SMC4: variants seen among roughly 807,000 people sequenced by gnomAD.
The protein encoded by SMC4 is structural maintenance of chromosomes 4, also known as structural maintenance of chromosomes protein 4.
Under a neutral mutation model 145.6 loss-of-function variants are expected in SMC4, and 87 were observed. The observed-to-expected ratio is 0.60, with a 90% CI of 0.50 to 0.71. The LOEUF is 0.71. Among genes scored for constraint, SMC4 ranks in the 30% least tolerant of loss-of-function variants. The pLI is 0.00. For synonymous variants in SMC4, 558 were observed against 500.7 expected, an observed-to-expected ratio of 1.11 and a Z score of -1.53; for missense variants, 1,447 against 1,537.1, an observed-to-expected ratio of 0.94 and a Z score of 0.98.
Position 160,433,031 on chromosome 3 carries a change from G to T in SMC4, c.3536G>T (p.Arg1179Leu). The T allele has an allele frequency of 6.2e-7, 1 of 1,608,538 alleles. No individual in the cohort carries two copies. The highest frequency in any genetic ancestry group is 1.1e-5 in the South Asian group (1 of 90,682). Residue 1179 changes from arginine (R) to leucine (L), a missense_variant, in exon 23 of 24, where the codon CGA becomes CTA. Coordinates refer to ENST00000357388, the MANE Select transcript of SMC4 (RefSeq NM_001002800.3). ...PFSEGIMFSVRPPKKSWKKIF... is the reference protein window; with the variant it reads ...PFSEGIMFSVLPPKKSWKKIF... Reference sequence around the variant, plus strand: ...GATTTTCTTAATCATTTCAGTGTTCGACCACCTAAGAAAAGTTGGAAAAAG... The same window carrying T: ...GATTTTCTTAATCATTTCAGTGTTCTACCACCTAAGAAAAGTTGGAAAAAG...
intron 19 of SMC4, 34 bp from the exon 20 acceptor site, chr3:160,430,998 A>G: frequency 6.4e-7 from 1 of 1,568,356 alleles, no homozygotes; most frequent in Middle Eastern, 1.7e-4. Context: ...CTCTATTTGG[A>G]AAATTCTATC....
rs1490655296 is a variant in SMC4 at position 160,424,969 on chromosome 3, A to G, written c.2428A>G (p.Ser810Gly). 2 of 1,613,806 alleles carry G rather than the reference A, an allele frequency of 1.2e-6. No individual in the cohort carries two copies. Among genetic ancestry groups the G allele is most frequent in the Non-Finnish European group, 1.7e-6 (2 of 1,179,956 alleles). Residue 810 changes from serine to glycine, a missense_variant, in exon 16 of 24, where the codon AGT (serine) becomes GGT (glycine). Ser to Gly is a moderately conservative substitution (Grantham distance 56). Transcript: ENST00000357388. ...AGAAAGAGTAGTTAAGTTACGGCAT[A>G]GTGAACGAGAAATGAGGAACACACT... Reference protein sequence around the residue: ...LEERVVKLRHSEREMRNTLEK... With the variant: ...LEERVVKLRHGEREMRNTLEK...
intron 17 of SMC4, among the ~76,000 whole-genome samples, chr3:160,427,968 G>A (rs548925285): frequency 1.8e-4 from 27 of 152,124 alleles, no homozygotes; most frequent in Non-Finnish European, 2.8e-4. Context: ...CACACACGCC[G>A]GGTGTGGTGG....
Position 160,426,177 on chromosome 3 carries a change from A to G in SMC4, c.2582A>G (p.Glu861Gly). 6.2e-7 allele frequency: 1 copy of G among 1,609,896 alleles called. No homozygotes were observed. Among genetic ancestry groups the G allele is most frequent in the Non-Finnish European group, 8.5e-7 (1 of 1,178,310 alleles). Residue 861 changes from glutamate to glycine, a missense_variant, in exon 17 of 24, where the codon GAA becomes GGA. Transcript: ENST00000357388. ...PDKKKQKLLE[E>G]NVSAFKTEYD... ...AAAAAAAAGCAGAAATTGCTAGAAG[A>G]AAACGTTAGTGCTTTCAAAACAGGT...
chr3:160,402,853 A>G lies in SMC4; in HGVS notation c.496A>G (p.Lys166Glu). ...TTGTACAGTAGAAGTTCATTTTCAA[A>G]AGATAATTGATAAGGTAAGGGATTT... ...QSCTVEVHFQKIIDKEGDDYE... is the reference protein window; with the variant it reads ...QSCTVEVHFQEIIDKEGDDYE... The change falls in exon 4 of 24, where the codon AAG becomes GAG. Residue 166 changes from lysine to glutamate, a missense_variant. Transcript: ENST00000357388. The G allele has an allele frequency of 1.3e-6, 2 of 1,567,836 alleles. No individual in the cohort carries two copies. The highest frequency in any genetic ancestry group is 1.7e-6 in the Non-Finnish European group (2 of 1,164,062).
At chr3:160,400,213 G>C (rs1714378153) in intron 1 of SMC4, 1 of 152,534 alleles carries the variant, frequency 6.6e-6, no homozygotes, top group Middle Eastern at 3.4e-3. Flanking sequence ...GAAGTTGCTA[G>C]TGGTTAGTCC....
At chr3:160,406,766 G>T (rs993130928) in intron 5 of SMC4, among the ~76,000 whole-genome samples, 2 of 152,032 alleles carry the variant, frequency 1.3e-5, no homozygotes, top group Non-Finnish European at 2.9e-5. Context: ...TTTTCAAGTA[G>T]GCATTTTTAT....
chr3:160,423,716 T>G (rs1424803086), intron 14 of SMC4, 45 bp from the exon 15 acceptor site: 2 of 1,602,690 alleles, frequency 1.2e-6, no homozygotes, highest in Non-Finnish European at 1.7e-6. Context: ...TATTTAATCT[T>G]GTTGGGGAGA....
intron 5 of SMC4, among the ~76,000 whole-genome samples, chr3:160,405,181 A>G (rs541662923): frequency 7.2e-5 from 11 of 152,156 alleles, no homozygotes; most frequent in Admixed American, 2.0e-4. Flanking sequence ...AAAGAGATGT[A>G]AAAATTAAGT....
Position 160,431,739 on chromosome 3 carries a change from T to G in SMC4, c.3211T>G (p.Ser1071Ala), listed in dbSNP as rs767706702. The change falls in exon 21 of 24, where the codon TCT (serine) becomes GCT (alanine). Residue 1071 changes from serine (S) to alanine (A), a missense_variant. Transcript: ENST00000357388. ...TCTTGAAGCGATCAAGAATCCAGAT[T>G]CTATAACAAATCAAATTGCACTTTT... is the stretch of plus-strand genomic sequence containing the variant. ...EDLEAIKNPD[S>A]ITNQIALLEA... The G allele has an allele frequency of 1.4e-5, 23 of 1,614,036 alleles. No homozygotes were observed. Among genetic ancestry groups the G allele is most frequent in the Middle Eastern group, 1.6e-4 (1 of 6,062 alleles).
In SMC4 at chr3:160,402,843, T is replaced by C; in HGVS notation, c.486T>C (p.Val162=). The change falls in exon 4 of 24, where the codon GTT becomes GTC. Residue 162 remains valine (V), a synonymous_variant. Transcript: ENST00000357388. ...ACATTCAGAGTTGTACAGTAGAAGT[T>C]CATTTTCAAAAGATAATTGATAAGG... is the stretch of plus-strand genomic sequence containing the variant. ...HKDIQSCTVE[V]HFQKIIDKEG... is the part of the protein sequence containing the mutation. 2 of 1,568,940 alleles carry C rather than the reference T, an allele frequency of 1.3e-6. No individual in the cohort carries two copies. The highest frequency in any genetic ancestry group is 1.7e-6 in the Non-Finnish European group (2 of 1,164,866).
intron 12 of SMC4, 53 bp downstream of exon 12, chr3:160,419,596 T>A: frequency 6.6e-7 from 1 of 1,513,394 alleles, no homozygotes; most frequent in Non-Finnish European, 8.9e-7. Context: ...TAAGAAAGTG[T>A]AACTTATTTT....
Position 160,431,731 on chromosome 3 carries a change from A to G in SMC4, c.3203A>G (p.Asn1068Ser). Residue 1068 changes from asparagine (N) to serine (S), a missense_variant, in exon 21 of 24, where the codon AAT (asparagine) becomes AGT (serine). Coordinates refer to ENST00000357388, the MANE Select transcript of SMC4 (RefSeq NM_001002800.3). ...CCAGAGGATCTTGAAGCGATCAAGA[A>G]TCCAGATTCTATAACAAATCAAATT... is the stretch of plus-strand genomic sequence containing the variant. Reference protein sequence around the residue: ...LSPEDLEAIKNPDSITNQIAL... With the variant: ...LSPEDLEAIKSPDSITNQIAL... 2 of 1,614,054 alleles carry G rather than the reference A, an allele frequency of 1.2e-6. No individual in the cohort carries two copies. Among genetic ancestry groups the G allele is most frequent in the Non-Finnish European group, 1.7e-6 (2 of 1,179,986 alleles).
chr3:160,404,401 C>G lies in SMC4; in HGVS notation c.584C>G (p.Ser195Cys), dbSNP rs184669458. Residue 195 changes from serine to cysteine, a missense_variant, in exon 5 of 24, where the codon TCT (serine) becomes TGT (cysteine). Coordinates refer to ENST00000357388, the MANE Select transcript of SMC4 (RefSeq NM_001002800.3). Reference sequence around the variant, plus strand: ...AGAACGGCCTGCAGAGATAATACTTCTGTCTATCACATAAGTGGAAAGAAA... The same window carrying G: ...AGAACGGCCTGCAGAGATAATACTTGTGTCTATCACATAAGTGGAAAGAAA... ...VSRTACRDNT[S>C]VYHISGKKKT... The G allele has an allele frequency of 2.9e-5, 46 of 1,610,606 alleles. No individual in the cohort carries two copies. The highest frequency in any genetic ancestry group is 3.8e-5 in the Non-Finnish European group (45 of 1,178,312).
Position 160,431,026 on chromosome 3 carries a change from G to A in SMC4, c.2941-6G>A, listed in dbSNP as rs753284716. The stretch of plus-strand genomic sequence containing the variant: ...ATTCTATCTAGCAGTTCTTTTCGGT[G>A]TTTAGGAATCCTTACCAGAGATCCA... On this transcript the variant is annotated splice_region_variant and splice_polypyrimidine_tract_variant and intron_variant, in intron 19 of 23. Transcript: ENST00000357388. The A allele has an allele frequency of 2.5e-6, 4 of 1,592,862 alleles. No individual in the cohort carries two copies. The South Asian group carries it at 4.6e-5, about 18-fold the overall frequency.
intron 20 of SMC4, 138 bp downstream of exon 20, chr3:160,431,343 T>G (rs907896202): frequency 5.2e-5 from 38 of 726,060 alleles, no homozygotes; most frequent in Admixed American, 7.0e-5. Flanking sequence ...CTGTGATCAC[T>G]TCTAAGGTTT....
intron 5 of SMC4, among the ~76,000 whole-genome samples, chr3:160,405,319 G>GAAAAA (rs34753335): frequency 4.7e-4 from 69 of 148,228 alleles, no homozygotes; most frequent in Middle Eastern, 6.9e-3. Flanking sequence ...GAATTTTTCG[G>GAAAAA]AAAAAAAAAA....
chr3:160,405,372 C>T (rs747206171), intron 5 of SMC4, among the ~76,000 whole-genome samples: 7 of 150,306 alleles, frequency 4.7e-5, no homozygotes, highest in Admixed American at 1.3e-4. Context: ...CTGTTTGATT[C>T]GAGGGTATCT....
At chr3:160,403,366 A>G (rs1234459681) in intron 4 of SMC4, among the ~76,000 whole-genome samples, 1 of 152,134 alleles carries the variant, frequency 6.6e-6, no homozygotes, top group Non-Finnish European at 1.5e-5. Flanking sequence ...GGGGAAGGAC[A>G]AGCTAATGTT....
Sources: gnomAD v4.1 joint callset for allele counts (sites outside exome capture counted in the v4.1 genomes callset) on GRCh38, gnomAD v4.1.1 for gene constraint, MANE v1.5 for transcripts, NCBI Gene and HGNC (gene_info 2026-07-23, HGNC 2026-07-21) for gene names.